CLNK: variants seen among roughly 807,000 people sequenced by gnomAD.
CLNK encodes cytokine-dependent hematopoietic cell linker.
In CLNK, 74 loss-of-function variants were observed where a neutral mutation model predicts 68.6. That is an observed-to-expected ratio of 1.08 (90% confidence interval 0.89 to 1.31). CLNK has a LOEUF of 1.31. Among genes scored for constraint, CLNK ranks in the 50% most tolerant of loss-of-function variants. The pLI, the probability that CLNK is intolerant of heterozygous loss-of-function variation, is 0.00. For synonymous variants in CLNK, 198 were observed against 172.2 expected (o/e 1.15, Z -1.17); for missense variants, 553 against 515.3 (o/e 1.07, Z -0.71).
chr4:10,706,876 A>G, the CLNK span, among the ~76,000 whole-genome samples: 1 of 152,146 alleles, frequency 6.6e-6, no homozygotes, highest in Non-Finnish European at 1.5e-5. Context: ...AAACTTGGAA[A>G]ACTAAATTTC....
intron 2 of CLNK, among the ~76,000 whole-genome samples, chr4:10,640,435 G>A (rs1307676764): frequency 6.6e-6 from 1 of 152,160 alleles, no homozygotes; most frequent in African/African-American, 2.4e-5. Context: ...CAGAGTGCTG[G>A]GATTACAGGC....
At chr4:10,627,500 T>A (rs1722720563) in intron 2 of CLNK, among the ~76,000 whole-genome samples, 1 of 152,184 alleles carries the variant, frequency 6.6e-6, no homozygotes, top group South Asian at 2.1e-4. Flanking sequence ...AGTACTATGT[T>A]AGGTCTGATT....
At chr4:10,598,633 T>C (rs1216565761) in intron 2 of CLNK, 2 of 435,996 alleles carry the variant, frequency 4.6e-6, no homozygotes, top group South Asian at 3.3e-5. Flanking sequence ...AGGCACTTTC[T>C]ATGAAGAGAT....
chr4:10,618,846 C>T (rs1027816180), intron 2 of CLNK, among the ~76,000 whole-genome samples: 3 of 152,212 alleles, frequency 2.0e-5, no homozygotes, highest in African/African-American at 7.2e-5. Flanking sequence ...GGTGCTAACT[C>T]ATTCGTGAGG....
intron 5 of CLNK, among the ~76,000 whole-genome samples, chr4:10,568,383 G>C (rs972557899): frequency 3.3e-5 from 5 of 152,128 alleles, no homozygotes; most frequent in Non-Finnish European, 7.4e-5. Flanking sequence ...TCTGGGGGAA[G>C]GGGGGACTGG....
intron 2 of CLNK, among the ~76,000 whole-genome samples, chr4:10,628,714 C>T (rs1032431946): frequency 1.3e-5 from 2 of 152,192 alleles, no homozygotes; most frequent in Admixed American, 1.3e-4. Context: ...AAATATGATG[C>T]TTTGTACATG....
intron 2 of CLNK, among the ~76,000 whole-genome samples, chr4:10,631,702 A>C (rs1722897185): frequency 1.3e-5 from 2 of 152,258 alleles, no homozygotes; most frequent in Admixed American, 6.5e-5. Context: ...GAGGAGAGAA[A>C]GGGAAACGAA....
intron 2 of CLNK, among the ~76,000 whole-genome samples, chr4:10,626,324 A>G (rs1482336638): frequency 6.6e-6 from 1 of 152,070 alleles, no homozygotes; most frequent in Non-Finnish European, 1.5e-5. Flanking sequence ...TTTGTTTCTC[A>G]TTCATGCTCT....
At chr4:10,522,444 T>A (rs1718117958) in intron 14 of CLNK, among the ~76,000 whole-genome samples, 1 of 145,184 alleles carries the variant, frequency 6.9e-6, no homozygotes, top group Non-Finnish European at 1.5e-5. Context: ...CGTGGTGGCA[T>A]CTGCCTGTAG....
At chr4:10,715,004 T>C in the CLNK span, among the ~76,000 whole-genome samples, 3 of 152,220 alleles carry the variant, frequency 2.0e-5, no homozygotes, top group African/African-American at 7.2e-5. Context: ...TCAGTATCAG[T>C]AATAAAATGA....
upstream of CLNK, among the ~76,000 whole-genome samples, chr4:10,688,963 G>T (rs113250205): frequency 1.4e-3 from 216 of 152,000 alleles, no homozygotes; most frequent in Admixed American, 2.4e-3. Flanking sequence ...CCGAGAAACA[G>T]ATTTCTTATG....
At chr4:10,511,683 C>T (rs188516752) in intron 16 of CLNK, among the ~76,000 whole-genome samples, 194 of 152,256 alleles carry the variant, frequency 1.3e-3, no homozygotes, top group Non-Finnish European at 2.3e-3. Context: ...TATTGTATCA[C>T]GTTAGAATTT....
intron 2 of CLNK, among the ~76,000 whole-genome samples, chr4:10,658,600 C>T (rs548429489): frequency 1.3e-5 from 2 of 152,268 alleles, no homozygotes; most frequent in South Asian, 4.1e-4. Context: ...TCCCTATCTC[C>T]CCAAAGGGTG....
intron 11 of CLNK, among the ~76,000 whole-genome samples, chr4:10,539,003 G>A (rs777626646): frequency 1.5e-4 from 23 of 152,194 alleles, no homozygotes; most frequent in Non-Finnish European, 3.2e-4. Flanking sequence ...AGTTTCCTGA[G>A]GTCTCTCCAG....
chr4:10,624,607 T>TG (rs1300892355), intron 2 of CLNK, among the ~76,000 whole-genome samples: 3 of 151,192 alleles, frequency 2.0e-5, no homozygotes, highest in Non-Finnish European at 4.4e-5. Flanking sequence ...TTTTTTTTTT[T>TG]TTTTTTTTTT....
Position 10,584,943 on chromosome 4 carries a change from G to T in CLNK, c.96C>A (p.Arg32=). ...FSLPKNRSWP[R]INSATGQYQR... ...CCGACTCACCTGTGGCACTATTGAT[G>T]CGAGGCCATGACCTAGGGCAGAAAA... The change falls in exon 4 of 19, where the codon CGC becomes CGA. Residue 32 remains arginine, a synonymous_variant. Coordinates refer to ENST00000226951, the MANE Select transcript of CLNK (RefSeq NM_052964.4). 6.2e-7 allele frequency: 1 copy of T among 1,613,782 alleles called. No individual in the cohort carries two copies. Among genetic ancestry groups the T allele is most frequent in the Non-Finnish European group, 8.5e-7 (1 of 1,179,822 alleles).
chr4:10,597,616 A>G (rs2108845175), intron 3 of CLNK, among the ~76,000 whole-genome samples: 1 of 152,296 alleles, frequency 6.6e-6, no homozygotes, highest in East Asian at 1.9e-4. Flanking sequence ...TGAGGCTCCA[A>G]GGTAAACTCG....
chr4:10,623,473 A>G (rs899282394), intron 2 of CLNK, among the ~76,000 whole-genome samples: 1 of 152,184 alleles, frequency 6.6e-6, no homozygotes, highest in African/African-American at 2.4e-5. Context: ...TCAGCCACTA[A>G]CCTTGTAGAT....
At chr4:10,721,767 A>C in the CLNK span, among the ~76,000 whole-genome samples, 1 of 152,234 alleles carries the variant, frequency 6.6e-6, no homozygotes, top group African/African-American at 2.4e-5. Flanking sequence ...TGACCTCTGC[A>C]TTTAGAGAGC....
Sources: allele counts gnomAD v4.1 joint callset (sites outside exome capture counted in the v4.1 genomes callset), GRCh38; gene constraint gnomAD v4.1.1; transcripts MANE v1.5; gene names NCBI Gene and HGNC (gene_info 2026-07-23, HGNC 2026-07-21).